Variants in PSMF1 observed in about 807,000 individuals in gnomAD.
PSMF1 encodes proteasome inhibitor PI31 subunit.
Under a neutral mutation model 29.3 loss-of-function variants are expected in PSMF1, and 30 were observed. The ratio of observed to expected loss-of-function variants is 1.02; its 90% CI spans 0.77 to 1.39. The LOEUF (loss-of-function observed/expected upper bound fraction) is 1.39. PSMF1 is among the 40% of genes most tolerant of loss of function. PSMF1 has a pLI of 0.00. For missense variants in PSMF1, 344 were observed against 357.5 expected (o/e 0.96, Z 0.31); for synonymous variants, 134 against 139.7 (o/e 0.96, Z 0.29).
At chr20:1,138,841 AAACAAAACC>A (rs936430846) in intron 4 of PSMF1, among the ~76,000 whole-genome samples, 1 of 151,160 alleles carries the variant, frequency 6.6e-6, no homozygotes, top group Non-Finnish European at 1.5e-5. Context: ...AAACAAAAAA[AAACAAAACC>A]AAACAAAAGC....
At position 1,165,857 on chromosome 20, in the gene PSMF1, G is replaced by A. The variant is rs2086723165; in HGVS notation, c.*777G>A. 20 of 1,148,954 alleles carry A rather than the reference G, an allele frequency of 1.7e-5. No homozygotes were observed. The highest frequency in any genetic ancestry group is 2.0e-5 in the Non-Finnish European group (19 of 926,872). The allele number at this position is 1,148,954 out of a possible 1,614,324, so 71.2% of individuals were successfully genotyped here. ...AGGAAAAAACAGAGCAGACCTGAAG[G>A]CTAATCTTATTTTTGCCACTAACTT... On this transcript the variant is annotated 3_prime_UTR_variant, in exon 7 of 7. Transcript: ENST00000335877.
intron 4 of PSMF1, among the ~76,000 whole-genome samples, chr20:1,146,677 C>G (rs2086454164): frequency 6.6e-6 from 1 of 152,104 alleles, no homozygotes; most frequent in African/African-American, 2.4e-5. Context: ...TATTTTGCGG[C>G]AATTAGGAAC....
At chr20:1,160,950 G>T (rs748634915) in intron 4 of PSMF1, 27 of 440,088 alleles carry the variant, frequency 6.1e-5, no homozygotes, top group Non-Finnish European at 1.0e-4. Context: ...CTCAGATCAT[G>T]TTTGAGACCT....
At chr20:1,119,920 C>T (rs1261635662) in intron 1 of PSMF1, among the ~76,000 whole-genome samples, 1 of 152,192 alleles carries the variant, frequency 6.6e-6, no homozygotes, top group Non-Finnish European at 1.5e-5. Context: ...CACCCTTCCT[C>T]TCCTTTTTGA....
At chr20:1,125,899 T>A in intron 2 of PSMF1, 2 of 645,824 alleles carry the variant, frequency 3.1e-6, no homozygotes, top group East Asian at 3.2e-5. Flanking sequence ...ATAAGGTAAA[T>A]CTATTCAGTG....
intron 4 of PSMF1, among the ~76,000 whole-genome samples, chr20:1,145,909 C>T (rs769167726): frequency 6.6e-6 from 1 of 152,172 alleles, no homozygotes; most frequent in Non-Finnish European, 1.5e-5. Context: ...ACAGTACCAC[C>T]ACTCAGTTAT....
intron 3 of PSMF1, 114 bp downstream of exon 3, chr20:1,127,622 T>A (rs1016252828): frequency 1.3e-5 from 11 of 828,570 alleles, no homozygotes; most frequent in Non-Finnish European, 2.2e-5. Flanking sequence ...GAAGAACCTT[T>A]TATTTCTGGG....
chr20:1,152,353 A>G (rs766024684), intron 4 of PSMF1, among the ~76,000 whole-genome samples: 15 of 152,210 alleles, frequency 9.9e-5, no homozygotes, highest in Non-Finnish European at 1.5e-4. Context: ...CCAACTTTTG[A>G]CACATGTATT....
upstream of PSMF1, chr20:1,118,256 A>C (rs2086031345): frequency 6.5e-6 from 1 of 152,920 alleles, no homozygotes; most frequent in South Asian, 2.0e-4. Context: ...GGTTGTGAAG[A>C]TTAAATAAAT....
chr20:1,165,214 A>G lies in PSMF1; in HGVS notation c.*134A>G, dbSNP rs2086714358. Reference sequence around the variant, plus strand: ...CATGTGTTTGCAGACCGGCTGGGATAGCCTCCCCACCCCTTATCAGAGCCA... The same window carrying G: ...CATGTGTTTGCAGACCGGCTGGGATGGCCTCCCCACCCCTTATCAGAGCCA... On this transcript the variant is annotated 3_prime_UTR_variant, in exon 7 of 7. Coordinates refer to ENST00000335877, the MANE Select transcript of PSMF1 (RefSeq NM_006814.5). 5 of 1,510,114 alleles carry G rather than the reference A, an allele frequency of 3.3e-6. No homozygotes were observed. Among genetic ancestry groups the G allele is most frequent in the Non-Finnish European group, 4.4e-6 (5 of 1,127,474 alleles). 93.5% of individuals were successfully genotyped at this position (1,510,114 alleles called of 1,614,324 possible).
At chr20:1,126,323 C>G (rs1234769337) in intron 2 of PSMF1, among the ~76,000 whole-genome samples, 6 of 152,100 alleles carry the variant, frequency 3.9e-5, no homozygotes. Context: ...TGGGTGTGAC[C>G]ATGTAGAAGT....
rs1487763332 is a variant in PSMF1 at position 1,171,324 on chromosome 20, C to T, written c.*6244C>T. Among the ~76,000 whole-genome samples the T allele has an allele frequency of 6.6e-6, 1 of 152,160 alleles. No homozygotes were observed. The highest frequency in any genetic ancestry group is 2.4e-5 in the African/African-American group (1 of 41,426). On this transcript the variant is annotated 3_prime_UTR_variant, in exon 7 of 7. Transcript: ENST00000335877. The stretch of plus-strand genomic sequence containing the variant: ...CAAGAAACCCATATGTGATGGGGAG[C>T]TCCTAACAGGCTTCCCTGGGCCACA...
chr20:1,164,610 C>T lies in PSMF1; in HGVS notation c.764+134C>T. 1 of 1,234,646 alleles carries T rather than the reference C, an allele frequency of 8.1e-7. No individual in the cohort carries two copies. The highest frequency in any genetic ancestry group is 1.1e-6 in the Non-Finnish European group (1 of 886,368). The allele number at this position is 1,234,646 out of a possible 1,614,324, so 76.5% of individuals were successfully genotyped here. A position where few individuals can be genotyped will look rare whatever the true frequency, so the allele number is the denominator to read the frequency against. ...CCTGTTGCTGCCAGGAGAGTGGAGC[C>T]TCCTCCAGGGCCCTGCCTGATTTCT... On this transcript the variant is annotated intron_variant, in intron 6 of 6. Transcript: ENST00000335877. The surrounding 1 kb of genome is among the most constrained non-coding windows in gnomAD (Gnocchi z 4.1).
rs1481627245 is a variant in PSMF1 at position 1,164,984 on chromosome 20, G to C, written c.765-45G>C. The C allele has an allele frequency of 6.6e-7, 1 of 1,521,046 alleles. No homozygotes were observed. The highest frequency in any genetic ancestry group is 2.3e-5 in the East Asian group (1 of 44,416). 94.2% of individuals were successfully genotyped at this position (1,521,046 alleles called of 1,614,324 possible). ...GGGTCATGTCTGCCCATGTTCCCCT[G>C]GTCTCTCCATCACTCCAACTCATCA... On this transcript the variant is annotated intron_variant, in intron 6 of 6. Transcript: ENST00000335877. The surrounding 1 kb of genome is among the most constrained non-coding windows in gnomAD (Gnocchi z 4.1).
intron 4 of PSMF1, among the ~76,000 whole-genome samples, chr20:1,147,025 C>A (rs1257837622): frequency 6.6e-6 from 1 of 152,030 alleles, no homozygotes; most frequent in Non-Finnish European, 1.5e-5. Context: ...CTACCATCTT[C>A]CCCCCAAAAC....
upstream of PSMF1, among the ~76,000 whole-genome samples, chr20:1,114,250 G>A (rs937832669): frequency 1.3e-5 from 2 of 152,096 alleles, no homozygotes; most frequent in African/African-American, 4.8e-5. Flanking sequence ...GTAGGAGTGC[G>A]GTCCAGTTGC....
chr20:1,136,037 T>C (rs1404730453), intron 4 of PSMF1, among the ~76,000 whole-genome samples: 2 of 152,234 alleles, frequency 1.3e-5, no homozygotes, highest in African/African-American at 2.4e-5. Context: ...AGACTACCAT[T>C]GTTATTTTAT....
chr20:1,149,523 G>A (rs374655124), intron 4 of PSMF1, among the ~76,000 whole-genome samples: 28 of 152,300 alleles, frequency 1.8e-4, no homozygotes, highest in Non-Finnish European at 3.2e-4. Flanking sequence ...GCAGTAAATA[G>A]CATTCATTAT....
intron 1 of PSMF1, among the ~76,000 whole-genome samples, chr20:1,125,087 G>A (rs1020477247): frequency 6.6e-6 from 1 of 152,194 alleles, no homozygotes; most frequent in Admixed American, 6.5e-5. Flanking sequence ...CGTGTATTCG[G>A]ATCTGTGTTT....
Sources: allele counts gnomAD v4.1 joint callset (sites outside exome capture counted in the v4.1 genomes callset), GRCh38; gene constraint gnomAD v4.1.1; non-coding constraint Gnocchi (gnomAD v3.1); transcripts MANE v1.5; gene names NCBI Gene and HGNC (gene_info 2026-07-23, HGNC 2026-07-21).